The following SCUBE1 variants were observed in gnomAD, a reference collection of about 807,000 sequenced individuals.
The protein encoded by SCUBE1 is signal peptide, CUB and EGF-like domain-containing protein 1.
Under a neutral mutation model 124.4 loss-of-function variants are expected in SCUBE1, and 59 were observed. The observed-to-expected ratio is 0.47, with a 90% CI of 0.38 to 0.59. The LOEUF is 0.59. Among genes scored for constraint, SCUBE1 ranks in the 20% least tolerant of loss-of-function variants. SCUBE1 has a pLI of 0.00. For synonymous variants in SCUBE1, 545 were observed against 550.9 expected (o/e 0.99, Z 0.15); for missense variants, 1,150 against 1,371.2 (o/e 0.84, Z 2.55).
At chr22:43,242,282 C>T (rs1923036073) in intron 6 of SCUBE1, among the ~76,000 whole-genome samples, 1 of 152,164 alleles carries the variant, frequency 6.6e-6, no homozygotes, top group Non-Finnish European at 1.5e-5. Flanking sequence ...CGCTCCAGCT[C>T]CCCCATCTCT....
chr22:43,218,453 ATGTGTC>A lies in SCUBE1; in HGVS notation c.1688-1_1692del. On this transcript the variant is annotated splice_acceptor_variant and coding_sequence_variant, in exon 15 of 22. Transcript: ENST00000360835. LOFTEE classifies it high-confidence loss of function. Reference sequence around the variant, plus strand: ...CGCTTCCGCAAGCAGTCCGCTTCGCATGTGTCTGCAGGGGCAGGAGAGACAGAACAT... The same window carrying A: ...CGCTTCCGCAAGCAGTCCGCTTCGCATGCAGGGGCAGGAGAGACAGAACAT... 6.2e-7 allele frequency: 1 copy of A among 1,610,744 alleles called. No homozygotes were observed. The highest frequency in any genetic ancestry group is 8.5e-7 in the Non-Finnish European group (1 of 1,179,958).
At chr22:43,276,721 T>C (rs570661425) in intron 4 of SCUBE1, among the ~76,000 whole-genome samples, 1 of 152,278 alleles carries the variant, frequency 6.6e-6, no homozygotes, top group African/African-American at 2.4e-5. Context: ...TGGGCTACGG[T>C]GTAGGGGGTG....
chr22:43,336,898 G>T (rs1455598633), intron 2 of SCUBE1, among the ~76,000 whole-genome samples: 1 of 152,128 alleles, frequency 6.6e-6, no homozygotes, highest in East Asian at 1.9e-4. Context: ...ATCTGAGCTG[G>T]GGCTCACAAA....
chr22:43,275,012 C>T (rs1404097762), intron 4 of SCUBE1, among the ~76,000 whole-genome samples: 7 of 152,164 alleles, frequency 4.6e-5, no homozygotes, highest in African/African-American at 1.2e-4. Flanking sequence ...GGTGACTTGT[C>T]GCTGCACTCA....
At chr22:43,320,651 C>T (rs1245140904) in intron 2 of SCUBE1, among the ~76,000 whole-genome samples, 2 of 152,214 alleles carry the variant, frequency 1.3e-5, no homozygotes, top group African/African-American at 2.4e-5. Context: ...GCCTAGTTAA[C>T]CTTGTCTGAG....
intron 4 of SCUBE1, chr22:43,282,854 C>G (rs906624609): frequency 6.6e-6 from 1 of 152,166 alleles, no homozygotes; most frequent in African/African-American, 2.4e-5. Flanking sequence ...CGCCACCATG[C>G]CTGGCTAATT....
In SCUBE1 at chr22:43,210,329, G is replaced by A; in HGVS notation, c.2384-89C>T. The A allele has an allele frequency of 8.4e-7, 1 of 1,186,388 alleles. No individual in the cohort carries two copies. The highest frequency in any genetic ancestry group is 3.0e-5 in the Admixed American group (1 of 33,566). 73.5% of individuals were successfully genotyped at this position (1,186,388 alleles called of 1,614,324 possible). A position where few individuals can be genotyped will look rare whatever the true frequency, so the allele number is the denominator to read the frequency against. ...GCCTCTAACCACCTGGGAGGCCTAG[G>A]GCAGGGCTGGAAGGTGCTCTTGTCC... On this transcript the variant is annotated intron_variant, in intron 18 of 21. Transcript: ENST00000360835. This position sits in a 1 kb window ranked among gnomAD's most constrained non-coding sequence, Gnocchi z 4.5.
intron 1 of SCUBE1, 36 bp downstream of exon 1, chr22:43,343,138 C>G: frequency 9.2e-7 from 1 of 1,088,786 alleles, no homozygotes; most frequent in Non-Finnish European, 1.1e-6. Flanking sequence ...CCGAGCCCCC[C>G]GCGCCCGCCG....
intron 3 of SCUBE1, among the ~76,000 whole-genome samples, chr22:43,294,956 A>G (rs899268302): frequency 6.6e-6 from 1 of 152,122 alleles, no homozygotes; most frequent in African/African-American, 2.4e-5. Flanking sequence ...CAACAGCTCC[A>G]CACCGGGGGC....
chr22:43,221,819 T>C (rs577119315), intron 12 of SCUBE1, among the ~76,000 whole-genome samples: 3 of 152,284 alleles, frequency 2.0e-5, no homozygotes, highest in African/African-American at 7.2e-5. Context: ...ATCCTAGCAC[T>C]CTGGGAGGCC....
intron 4 of SCUBE1, among the ~76,000 whole-genome samples, chr22:43,281,554 C>CCTCCTCCTCAGCCACCCTCCTGTCAT (rs1569011118): frequency 8.3e-5 from 11 of 133,008 alleles, no homozygotes; most frequent in African/African-American, 3.1e-4. Flanking sequence ...CCTCCTGTCA[C>CCTCCTCCTCAGCCACCCTCCTGTCAT]CTCCCCCTCA....
chr22:43,288,448 C>T (rs993330968), intron 4 of SCUBE1, among the ~76,000 whole-genome samples: 6 of 152,240 alleles, frequency 3.9e-5, no homozygotes, highest in African/African-American at 1.4e-4. Flanking sequence ...ACTCTTGCCA[C>T]AGCCCACCAG....
intron 4 of SCUBE1, among the ~76,000 whole-genome samples, chr22:43,284,986 T>G (rs1925079735): frequency 6.6e-6 from 1 of 152,096 alleles, no homozygotes; most frequent in Admixed American, 6.5e-5. Flanking sequence ...ATGCACGTGT[T>G]TAAACAAACT....
chr22:43,309,846 C>A (rs540637365), intron 3 of SCUBE1, among the ~76,000 whole-genome samples: 1 of 152,142 alleles, frequency 6.6e-6, no homozygotes, highest in Admixed American at 6.5e-5. Flanking sequence ...ACTGGCTGCT[C>A]CCGTCAACTG....
At chr22:43,270,787 T>C (rs1209183509) in intron 4 of SCUBE1, among the ~76,000 whole-genome samples, 3 of 152,214 alleles carry the variant, frequency 2.0e-5, no homozygotes, top group Non-Finnish European at 2.9e-5. Flanking sequence ...CAGAGGGAAC[T>C]TTCTAGTGCA....
intron 4 of SCUBE1, chr22:43,270,318 C>T (rs868390700): frequency 6.6e-6 from 1 of 152,244 alleles, no homozygotes; most frequent in Non-Finnish European, 1.5e-5. Flanking sequence ...ACTGGAAACA[C>T]TTCTGGTCCC....
At chr22:43,238,404 A>G in intron 7 of SCUBE1, 1 of 420,764 alleles carries the variant, frequency 2.4e-6, no homozygotes, top group Non-Finnish European at 4.3e-6. Context: ...GCCCAACACC[A>G]GACTGTCCCC....
intron 5 of SCUBE1, among the ~76,000 whole-genome samples, chr22:43,260,553 A>T (rs967726217): frequency 5.3e-5 from 8 of 152,218 alleles, no homozygotes; most frequent in Admixed American, 2.6e-4. Flanking sequence ...AATGCAAGTG[A>T]CTTCAAGGAC....
rs12158070 is a variant in SCUBE1 at position 43,197,583 on chromosome 22, G to T, written c.*6414C>A. 0.078 allele frequency: 11,833 copies of T among 152,456 alleles called. 850 individuals are homozygous for T. Among genetic ancestry groups the T allele is most frequent in the African/African-American group, 0.19 (7,767 of 41,532 alleles). The allele number at this position is 152,456 out of a possible 1,614,324, so 9.4% of individuals were successfully genotyped here. ...GGAGGTTCTGATCTCAGCGGAGTAA[G>T]ACACCCGGCATCGGTCAGCTCCCTC... On this transcript the variant is annotated 3_prime_UTR_variant, in exon 22 of 22. Coordinates refer to ENST00000360835, the MANE Select transcript of SCUBE1 (RefSeq NM_173050.5).
Sources: allele counts gnomAD v4.1 joint callset (sites outside exome capture counted in the v4.1 genomes callset), GRCh38; gene constraint gnomAD v4.1.1; non-coding constraint Gnocchi (gnomAD v3.1); transcripts MANE v1.5; gene names NCBI Gene and HGNC (gene_info 2026-07-23, HGNC 2026-07-21).